Variants in PDGFD observed in about 807,000 individuals in gnomAD.
The protein encoded by PDGFD is platelet-derived growth factor D.
A neutral mutation model predicts 44.7 loss-of-function variants in PDGFD; 30 were observed. That is an observed-to-expected ratio of 0.67 (90% CI 0.50 to 0.91). PDGFD has a LOEUF of 0.91. PDGFD is among the 40% of genes least tolerant of loss of function. The probability of loss-of-function intolerance (pLI) is 0.00; values close to 1 mark genes in which losing one functional copy is unlikely to be tolerated. For synonymous variants in PDGFD, 173 were observed against 168.4 expected, an observed-to-expected ratio of 1.03 and a Z score of -0.21; for missense variants, 445 against 457.8, an observed-to-expected ratio of 0.97 and a Z score of 0.25.
At chr11:104,114,328 T>C (rs1438147842) in intron 1 of PDGFD, among the ~76,000 whole-genome samples, 2 of 151,984 alleles carry the variant, frequency 1.3e-5, no homozygotes, top group Non-Finnish European at 2.9e-5. Context: ...TGCCTACTTG[T>C]TCTAGCACCA....
chr11:104,041,149 AT>A (rs1317984692), intron 1 of PDGFD, among the ~76,000 whole-genome samples: 1 of 152,128 alleles, frequency 6.6e-6, no homozygotes, highest in Non-Finnish European at 1.5e-5. Context: ...ACAATTATTT[AT>A]TGAATGCACA....
chr11:104,128,967 C>T (rs539357053), intron 1 of PDGFD, among the ~76,000 whole-genome samples: 58 of 152,188 alleles, frequency 3.8e-4, no homozygotes, highest in African/African-American at 1.3e-3. Flanking sequence ...ATGCAAACTC[C>T]GTACATCCAG....
chr11:103,944,602 T>C (rs894236764), intron 4 of PDGFD, among the ~76,000 whole-genome samples: 2 of 151,972 alleles, frequency 1.3e-5, no homozygotes, highest in African/African-American at 2.4e-5. Flanking sequence ...TAAGGGAAAA[T>C]AGGAATTAAT....
chr11:103,952,714 T>C (rs1172941272), intron 3 of PDGFD, among the ~76,000 whole-genome samples: 6 of 152,004 alleles, frequency 3.9e-5, no homozygotes, highest in Non-Finnish European at 8.8e-5. Context: ...TATATATCAT[T>C]GTATAATTAT....
intron 6 of PDGFD, among the ~76,000 whole-genome samples, chr11:103,926,241 A>G (rs78188442): frequency 0.025 from 3,882 of 152,296 alleles, 172 homozygotes; most frequent in African/African-American, 0.088. Flanking sequence ...ATGGGGTGCT[A>G]AATGAGCTAA....
chr11:104,103,373 T>C (rs1019496416), intron 1 of PDGFD, among the ~76,000 whole-genome samples: 2 of 151,496 alleles, frequency 1.3e-5, no homozygotes, highest in Non-Finnish European at 2.9e-5. Flanking sequence ...TATCCACTTA[T>C]ACCTAAATCT....
At chr11:104,107,394 CAG>C (rs1205715597) in intron 1 of PDGFD, among the ~76,000 whole-genome samples, 1 of 152,092 alleles carries the variant, frequency 6.6e-6, no homozygotes, top group African/African-American at 2.4e-5. Flanking sequence ...ATCCAACAAA[CAG>C]TGCGCTTAGA....
chr11:104,148,950 ATGG>A (rs1862205207), intron 1 of PDGFD, among the ~76,000 whole-genome samples: 1 of 152,140 alleles, frequency 6.6e-6, no homozygotes, highest in African/African-American at 2.4e-5. Context: ...ATAGCATTCC[ATGG>A]TGTATATGTA....
At chr11:103,945,474 C>T (rs1470244676) in intron 4 of PDGFD, 1 of 152,164 alleles carries the variant, frequency 6.6e-6, no homozygotes, top group East Asian at 1.9e-4. Context: ...CTAACATGCA[C>T]CAGATGGTTT....
At chr11:103,924,457 C>T (rs1858271899) in intron 6 of PDGFD, among the ~76,000 whole-genome samples, 1 of 152,156 alleles carries the variant, frequency 6.6e-6, no homozygotes, top group Admixed American at 6.5e-5. Flanking sequence ...ATAGCATTCT[C>T]TAGATATGAG....
chr11:104,003,787 G>T (rs1050361382), intron 1 of PDGFD, among the ~76,000 whole-genome samples: 1 of 152,126 alleles, frequency 6.6e-6, no homozygotes, highest in Non-Finnish European at 1.5e-5. Flanking sequence ...GAGGCCTTGG[G>T]AATCAGTGAT....
intron 1 of PDGFD, among the ~76,000 whole-genome samples, chr11:104,152,284 T>C (rs1002014027): frequency 6.6e-6 from 1 of 152,212 alleles, no homozygotes; most frequent in South Asian, 2.1e-4. Flanking sequence ...GTTTTTTAAT[T>C]AACAAATGTT....
At chr11:104,090,558 G>C (rs1289949417) in intron 1 of PDGFD, among the ~76,000 whole-genome samples, 1 of 151,554 alleles carries the variant, frequency 6.6e-6, no homozygotes, top group East Asian at 1.9e-4. Context: ...GTACCCAGGA[G>C]GTGGAGGTTG....
At chr11:103,982,791 A>G (rs1189419372) in intron 3 of PDGFD, among the ~76,000 whole-genome samples, 2 of 151,822 alleles carry the variant, frequency 1.3e-5, no homozygotes, top group African/African-American at 2.4e-5. Context: ...CTGAGAGCCA[A>G]ATCAGGAACA....
chr11:104,159,782 T>C (rs780208144), intron 1 of PDGFD, among the ~76,000 whole-genome samples: 1 of 152,216 alleles, frequency 6.6e-6, no homozygotes, highest in Non-Finnish European at 1.5e-5. Flanking sequence ...CAAAAATCAC[T>C]GTCATTTAAT....
At chr11:104,080,075 T>C (rs187682080) in intron 1 of PDGFD, among the ~76,000 whole-genome samples, 22 of 152,298 alleles carry the variant, frequency 1.4e-4, no homozygotes, top group African/African-American at 5.3e-4. Context: ...AATTCTACAC[T>C]AACTGGGACT....
At chr11:103,996,938 G>A (rs779892236) in intron 2 of PDGFD, among the ~76,000 whole-genome samples, 8 of 152,238 alleles carry the variant, frequency 5.3e-5, no homozygotes, top group Middle Eastern at 6.8e-3. Flanking sequence ...GGCATTGGTC[G>A]GAGAAACTAG....
At chr11:104,012,771 C>T (rs368565008) in intron 1 of PDGFD, among the ~76,000 whole-genome samples, 1 of 152,226 alleles carries the variant, frequency 6.6e-6, no homozygotes, top group Non-Finnish European at 1.5e-5. Context: ...TGTTTTCTCA[C>T]TCCGAAATCT....
chr11:103,947,464 G>A (rs960006932), intron 4 of PDGFD, among the ~76,000 whole-genome samples, 198 bp downstream of exon 4: 3 of 152,096 alleles, frequency 2.0e-5, no homozygotes, highest in Non-Finnish European at 4.4e-5. Flanking sequence ...GGCAGTTCCT[G>A]GAAACATTTC....
Sources: gnomAD v4.1 joint callset for allele counts (sites outside exome capture counted in the v4.1 genomes callset) on GRCh38, gnomAD v4.1.1 for gene constraint, MANE v1.5 for transcripts, NCBI Gene and HGNC (gene_info 2026-07-23, HGNC 2026-07-21) for gene names.